ACOT11: variants seen among roughly 807,000 people sequenced by gnomAD.
ACOT11 encodes the protein acyl-CoA thioesterase 11.
Under a neutral mutation model 77.5 loss-of-function variants are expected in ACOT11, and 69 were observed. That is an observed-to-expected ratio of 0.89 (90% confidence interval 0.73 to 1.09). The LOEUF is 1.09. ACOT11 is among the 50% of genes least tolerant of loss of function. The pLI is 0.00. For missense variants in ACOT11, 766 were observed against 813.7 expected (o/e 0.94, Z 0.71); for synonymous variants, 279 against 313.0 (o/e 0.89, Z 1.15).
chr1:54,558,890 A>C (rs1296268026), intron 1 of ACOT11, among the ~76,000 whole-genome samples: 1 of 152,188 alleles, frequency 6.6e-6, no homozygotes, highest in Non-Finnish European at 1.5e-5. Context: ...CCCCAGGCTT[A>C]GTGCCAAGAT....
chr1:54,601,680 G>A (rs568254042), intron 9 of ACOT11, among the ~76,000 whole-genome samples: 14 of 152,308 alleles, frequency 9.2e-5, no homozygotes, highest in African/African-American at 3.4e-4. Context: ...GAGCCTGCAG[G>A]GTTGGAAGAG....
chr1:54,603,268 T>C (rs983323475), intron 10 of ACOT11, among the ~76,000 whole-genome samples: 2 of 152,198 alleles, frequency 1.3e-5, no homozygotes, highest in Non-Finnish European at 2.9e-5. Flanking sequence ...GAGAATCGCT[T>C]GAACCGGGAG....
chr1:54,565,428 G>A (rs961278810), intron 1 of ACOT11, among the ~76,000 whole-genome samples: 1 of 152,100 alleles, frequency 6.6e-6, no homozygotes, highest in Admixed American at 6.5e-5. Flanking sequence ...TGACCTGATC[G>A]CCCTCCAGCT....
downstream of ACOT11, chr1:54,610,424 T>G (rs1255139482): frequency 6.2e-7 from 1 of 1,613,284 alleles, no homozygotes; most frequent in African/African-American, 1.3e-5. Flanking sequence ...GGGAGGGTCA[T>G]TGTTGCTGTT....
At chr1:54,608,917 C>A in intron 15 of ACOT11, 40 bp from the exon 16 acceptor site, 1 of 1,603,394 alleles carries the variant, frequency 6.2e-7, no homozygotes, top group Non-Finnish European at 8.5e-7. Flanking sequence ...AGGACCCTCC[C>A]CTAGCTTGGT....
intron 15 of ACOT11, chr1:54,619,910 C>T: frequency 6.2e-7 from 1 of 1,614,160 alleles, no homozygotes; most frequent in Non-Finnish European, 8.5e-7. Context: ...CTGCGTGGTA[C>T]CAGGTGACCT....
chr1:54,588,534 C>T (rs1654586526), intron 3 of ACOT11, among the ~76,000 whole-genome samples: 1 of 152,160 alleles, frequency 6.6e-6, no homozygotes, highest in Non-Finnish European at 1.5e-5. Flanking sequence ...AGCCCTTGCT[C>T]TTAACCAATG....
intron 2 of ACOT11, 54 bp from the exon 3 acceptor site, chr1:54,585,781 A>G: frequency 6.3e-7 from 1 of 1,593,270 alleles, no homozygotes; most frequent in Non-Finnish European, 8.6e-7. Context: ...ATCTGAGCAG[A>G]GGCCTGTGAT....
chr1:54,604,248 T>G (rs1643999019), intron 11 of ACOT11, 98 bp from the exon 12 acceptor site: 3 of 1,149,334 alleles, frequency 2.6e-6, no homozygotes, highest in South Asian at 1.3e-5. Context: ...GCCCAACCCA[T>G]TCCTGGCCCA....
In ACOT11 at chr1:54,625,465, C is replaced by T. The variant is rs1379325814; in HGVS notation, c.1630-5269C>T. On this transcript the variant is annotated intron_variant, in intron 15 of 16. Coordinates refer to the ACOT11 transcript ENST00000371316. ...CTCCAGGATCCAAATGCTAACTGGG[C>T]CTCACCCAGATCCCTTCTGTAATAA... Among the ~76,000 whole-genome samples the T allele has an allele frequency of 7.9e-5, 12 of 152,268 alleles. No homozygotes were observed. The East Asian group carries it at 1.9e-3, about 25-fold the overall frequency.
chr1:54,562,932 C>A (rs1233078151), intron 1 of ACOT11, among the ~76,000 whole-genome samples: 2 of 142,284 alleles, frequency 1.4e-5, no homozygotes, highest in East Asian at 4.1e-4. Flanking sequence ...AGTGGGCAGC[C>A]AGGCAGAGGG....
At chr1:54,610,573 G>A (rs753630325), downstream of ACOT11, 24 of 1,606,412 alleles carry the variant, frequency 1.5e-5, no homozygotes, top group African/African-American at 4.0e-5. Flanking sequence ...GCCCCAAATC[G>A]CCAAGGTGAA....
exon 17 of ACOT11, chr1:54,638,782 C>A (rs949404484): frequency 1.3e-5 from 2 of 152,204 alleles, no homozygotes; most frequent in African/African-American, 4.8e-5. Flanking sequence ...TCCCAAAGTG[C>A]TGGGATTACA....
At chr1:54,623,211 G>GAGA in intron 15 of ACOT11, 4 of 1,034,828 alleles carry the variant, frequency 3.9e-6, no homozygotes, top group Non-Finnish European at 4.5e-6. Context: ...AGCTGTAAGT[G>GAGA]AGAAGTGGGG....
chr1:54,612,757 C>T (rs777614531), downstream of ACOT11: 2 of 1,443,368 alleles, frequency 1.4e-6, no homozygotes, highest in African/African-American at 1.4e-5. Context: ...GCAGCGGCCC[C>T]TTCCTCTCCT....
At chr1:54,580,529 C>T (rs922222164) in intron 1 of ACOT11, among the ~76,000 whole-genome samples, 1 of 152,218 alleles carries the variant, frequency 6.6e-6, no homozygotes, top group African/African-American at 2.4e-5. Context: ...CCTGACATTC[C>T]TGTCACCTGA....
rs554222418 is a variant in ACOT11 at position 54,608,880 on chromosome 1, G to A, written c.1630-77G>A. The A allele has an allele frequency of 7.2e-4, 1,033 of 1,436,474 alleles. 1 individual carries two copies. Among genetic ancestry groups the A allele is most frequent in the Admixed American group, 1.8e-3 (103 of 57,114 alleles). The allele number at this position is 1,436,474 out of a possible 1,614,324, so 89.0% of individuals were successfully genotyped here. On this transcript the variant is annotated intron_variant, in intron 15 of 15. Transcript: ENST00000343744. ...GCAAGGCTGACTCACCACCAGCCTC[G>A]TGCCCACTGGGCTCCCACCCCTTCC... is the stretch of plus-strand genomic sequence containing the variant.
chr1:54,605,013 T>A, intron 12 of ACOT11, 63 bp from the exon 13 acceptor site: 1 of 1,534,520 alleles, frequency 6.5e-7, no homozygotes, highest in Non-Finnish European at 8.8e-7. Context: ...AGTCTCAGCC[T>A]CCAGCATCCC....
Position 54,608,010 on chromosome 1 carries a change from G to T in ACOT11, c.1571G>T (p.Arg524Leu). ...PTHRETPEYR[R>L]GETLCSGFCL... Reference sequence around the variant, plus strand: ...CACCGAGAGACGCCAGAGTACAGACGCGGAGAGACCCTCTGCTCAGGCTTC... The same window carrying T: ...CACCGAGAGACGCCAGAGTACAGACTCGGAGAGACCCTCTGCTCAGGCTTC... The change falls in exon 15 of 16, where the codon CGC (arginine) becomes CTC (leucine). Residue 524 changes from arginine (R) to leucine (L), a missense_variant. Transcript: ENST00000343744. 6.2e-7 allele frequency: 1 copy of T among 1,613,598 alleles called. No homozygotes were observed. The highest frequency in any genetic ancestry group is 8.5e-7 in the Non-Finnish European group (1 of 1,179,940).
Sources: allele counts gnomAD v4.1 joint callset (sites outside exome capture counted in the v4.1 genomes callset), GRCh38; gene constraint gnomAD v4.1.1; transcripts MANE v1.5; gene names NCBI Gene and HGNC (gene_info 2026-07-23, HGNC 2026-07-21).